The following MAP3K13 variants were observed in gnomAD, a reference collection of about 807,000 sequenced individuals.
The protein encoded by MAP3K13 is mitogen-activated protein kinase kinase kinase 13, also known as leucine zipper-bearing kinase.
MAP3K13 carries 52 observed loss-of-function variants against 104.0 expected under a neutral mutation model. The observed-to-expected ratio is 0.50, with a 90% CI of 0.40 to 0.63. The LOEUF (loss-of-function observed/expected upper bound fraction) is 0.63. Ranked by LOEUF, MAP3K13 falls within the 20% of genes least tolerant of loss-of-function variation. The probability of loss-of-function intolerance (pLI) is 0.00; values close to 1 mark genes in which losing one functional copy is unlikely to be tolerated. For missense variants in MAP3K13, 914 were observed against 1,218.5 expected (o/e 0.75, Z 3.72); for synonymous variants, 394 against 442.2 (o/e 0.89, Z 1.37).
intron 4 of MAP3K13, among the ~76,000 whole-genome samples, chr3:185,444,305 C>T (rs1296272767): frequency 2.0e-5 from 3 of 151,650 alleles, no homozygotes; most frequent in Non-Finnish European, 4.4e-5. Context: ...CACTGTACTC[C>T]AGCCTGGGTG....
intron 2 of MAP3K13, among the ~76,000 whole-genome samples, chr3:185,356,560 G>T (rs1311710949): frequency 6.6e-6 from 1 of 152,132 alleles, no homozygotes; most frequent in African/African-American, 2.4e-5. Context: ...GGATGGAGAC[G>T]ACAGCCCTCT....
chr3:185,345,829 C>T (rs370776260), intron 2 of MAP3K13, among the ~76,000 whole-genome samples: 1 of 151,904 alleles, frequency 6.6e-6, no homozygotes, highest in Non-Finnish European at 1.5e-5. Flanking sequence ...CCTGAAACCA[C>T]CCCCTCCCAT....
intron 2 of MAP3K13, among the ~76,000 whole-genome samples, chr3:185,323,665 A>G (rs1449622583): frequency 6.6e-6 from 1 of 152,122 alleles, no homozygotes; most frequent in Non-Finnish European, 1.5e-5. Flanking sequence ...CCAGTATCCT[A>G]TTAGATATCT....
intron 2 of MAP3K13, among the ~76,000 whole-genome samples, chr3:185,319,508 AC>A (rs1255782729): frequency 6.6e-6 from 1 of 152,260 alleles, no homozygotes; most frequent in African/African-American, 2.4e-5. Context: ...ATCTGGGCAC[AC>A]CTGTCACCCA....
At chr3:185,379,045 A>G (rs564996568) in intron 1 of MAP3K13, among the ~76,000 whole-genome samples, 1 of 152,290 alleles carries the variant, frequency 6.6e-6, no homozygotes, top group Middle Eastern at 3.4e-3. Context: ...AGGCAAGTTT[A>G]AAGAGAAGGG....
Position 185,485,206 on chromosome 3 carries a change from T to C in MAP3K13, c.*2750T>C, listed in dbSNP as rs1718660348. The C allele has an allele frequency of 6.6e-6, 1 of 152,220 alleles. No homozygotes were observed. The highest frequency in any genetic ancestry group is 1.5e-5 in the Non-Finnish European group (1 of 68,036). The allele number at this position is 152,220 out of a possible 1,614,324, so 9.4% of individuals were successfully genotyped here. The stretch of plus-strand genomic sequence containing the variant: ...TTTAATGTCCTGAGAGGAACAGACC[T>C]AGAGGGTTTCCGCACAGGGCTCATG... On this transcript the variant is annotated 3_prime_UTR_variant, in exon 14 of 14. Coordinates refer to ENST00000265026, the MANE Select transcript of MAP3K13 (RefSeq NM_004721.5).
At chr3:185,470,409 C>G (rs1315734993) in intron 10 of MAP3K13, among the ~76,000 whole-genome samples, 1 of 152,198 alleles carries the variant, frequency 6.6e-6, no homozygotes, top group South Asian at 2.1e-4. Context: ...TGCACGTAAT[C>G]TTCACAACTG....
chr3:185,393,059 AT>A (rs1342565299), intron 1 of MAP3K13, among the ~76,000 whole-genome samples: 2 of 152,150 alleles, frequency 1.3e-5, no homozygotes, highest in Non-Finnish European at 2.9e-5. Flanking sequence ...CTCAAAAAAA[AT>A]AAATAAGTAA....
intron 2 of MAP3K13, chr3:185,291,766 A>G: frequency 2.0e-6 from 3 of 1,469,280 alleles, no homozygotes; most frequent in Non-Finnish European, 2.7e-6. Context: ...CAAAAGTACA[A>G]GCTTAAAGGG....
At chr3:185,390,897 A>C (rs1712012534) in intron 1 of MAP3K13, among the ~76,000 whole-genome samples, 1 of 152,126 alleles carries the variant, frequency 6.6e-6, no homozygotes, top group African/African-American at 2.4e-5. Flanking sequence ...CTGGGATTAC[A>C]GGCGTGAGCC....
intron 7 of MAP3K13, among the ~76,000 whole-genome samples, chr3:185,461,136 A>G (rs549958418): frequency 5.9e-5 from 9 of 152,190 alleles, no homozygotes; most frequent in Non-Finnish European, 1.2e-4. Flanking sequence ...CAGGGGCTCA[A>G]CCAAACTTTC....
chr3:185,374,414 T>C (rs1026448044), intron 1 of MAP3K13, among the ~76,000 whole-genome samples: 2 of 151,756 alleles, frequency 1.3e-5, no homozygotes, highest in African/African-American at 4.8e-5. Flanking sequence ...TGAAGGAAGA[T>C]TTTGTGGTAA....
chr3:185,476,967 C>A, intron 11 of MAP3K13: 1 of 377,944 alleles, frequency 2.6e-6, no homozygotes. Context: ...GAGCCTGGAA[C>A]CACTAGTGAC....
At position 185,488,731 on chromosome 3, in the gene MAP3K13, A is replaced by C. The variant is rs1211674802; in HGVS notation, c.*6275A>C. 6.6e-6 allele frequency: 1 copy of C among 152,242 alleles called. No individual in the cohort carries two copies. The highest frequency in any genetic ancestry group is 1.5e-5 in the Non-Finnish European group (1 of 68,094). 9.4% of individuals were successfully genotyped at this position (152,242 alleles called of 1,614,324 possible). A position where few individuals can be genotyped will look rare whatever the true frequency, so the allele number is the denominator to read the frequency against. ...CAGGGTCCTCCAGTGACTGCAGGCC[A>C]AGGGAACCCCAGCCAGCATGTGCAA... is the stretch of plus-strand genomic sequence containing the variant. On this transcript the variant is annotated 3_prime_UTR_variant, in exon 14 of 14. Coordinates refer to ENST00000265026, the MANE Select transcript of MAP3K13 (RefSeq NM_004721.5).
chr3:185,396,554 A>G lies in MAP3K13; in HGVS notation c.-85-31943A>G, dbSNP rs376736689. ...ATTATACCTGCTCTGTCCACCCTAC[A>G]TGGCTATTATGAGGCTCAAATGAAA... On this transcript the variant is annotated intron_variant, in intron 1 of 13. Transcript: ENST00000265026. Among the ~76,000 whole-genome samples, 7 of 152,312 alleles carry G rather than the reference A, an allele frequency of 4.6e-5. 1 individual carries two copies. The South Asian group carries it at 1.2e-3, about 27-fold the overall frequency.
chr3:185,318,375 G>T (rs922453722), intron 2 of MAP3K13, among the ~76,000 whole-genome samples: 10 of 152,192 alleles, frequency 6.6e-5, no homozygotes, highest in Non-Finnish European at 1.3e-4. Context: ...AGCAAACATT[G>T]CTGGAAATAC....
At chr3:185,399,367 G>A (rs1577509469) in intron 1 of MAP3K13, among the ~76,000 whole-genome samples, 1 of 152,010 alleles carries the variant, frequency 6.6e-6, no homozygotes, top group Middle Eastern at 3.4e-3. Flanking sequence ...CACTTTGGGA[G>A]GCCGAGGCCC....
rs1017032506 is a variant in MAP3K13, at chr3:185,426,239, C to A, written c.-85-2258C>A. ...GGGACTACAGGCATGCACCACCATG[C>A]CCGGCTAATTTTTTGTATTTTTAGT... On this transcript the variant is annotated intron_variant, in intron 1 of 13. Transcript: ENST00000265026. 1.6e-4 allele frequency among the ~76,000 whole-genome samples: 24 copies of A among 152,224 alleles called. 1 individual carries two copies. The highest frequency in any genetic ancestry group is 5.5e-4 in the African/African-American group (23 of 41,532).
intron 2 of MAP3K13, among the ~76,000 whole-genome samples, chr3:185,330,970 C>G (rs1464261661): frequency 1.3e-5 from 2 of 152,154 alleles, no homozygotes; most frequent in East Asian, 1.9e-4. Context: ...TTCTTCCCAG[C>G]CTTCATTCGG....
Sources: allele counts gnomAD v4.1 joint callset (sites outside exome capture counted in the v4.1 genomes callset), GRCh38; gene constraint gnomAD v4.1.1; transcripts MANE v1.5; gene names NCBI Gene and HGNC (gene_info 2026-07-23, HGNC 2026-07-21).